NTM: variants seen among roughly 807,000 people sequenced by gnomAD.
NTM encodes IgLON family member 2.
NTM carries 13 observed loss-of-function variants against 42.1 expected under a neutral mutation model. The observed-to-expected ratio is 0.31, with a 90% CI of 0.20 to 0.49. The LOEUF (loss-of-function observed/expected upper bound fraction) is 0.49. Among genes scored for constraint, NTM ranks in the 20% least tolerant of loss-of-function variants. The pLI is 0.99. For missense variants in NTM, 373 were observed against 452.8 expected, an observed-to-expected ratio of 0.82 and a Z score of 1.60; for synonymous variants, 187 against 179.2, an observed-to-expected ratio of 1.04 and a Z score of -0.35.
At position 131,993,379 on chromosome 11, in the gene NTM, C is replaced by A. The variant is rs539487864; in HGVS notation, c.167+81731C>A. ...GACAAGGAATGCATCTAGAACAAGT[C>A]CCATGTTTTTGGCTTGGGTAATGAG... On this transcript the variant is annotated intron_variant, in intron 2 of 8. Transcript: ENST00000683400. 1.4e-3 allele frequency among the ~76,000 whole-genome samples: 217 copies of A among 152,138 alleles called. 1 individual carries two copies. Among genetic ancestry groups the A allele is most frequent in the Non-Finnish European group, 1.3e-3 (88 of 68,010 alleles).
At chr11:131,544,683 C>T (rs996525476) in intron 1 of NTM, among the ~76,000 whole-genome samples, 6 of 152,196 alleles carry the variant, frequency 3.9e-5, no homozygotes, top group Admixed American at 6.5e-5. Context: ...ATCCACTTCC[C>T]GTCATTCAGA....
At chr11:131,778,414 C>A (rs1178945748) in intron 1 of NTM, among the ~76,000 whole-genome samples, 1 of 152,184 alleles carries the variant, frequency 6.6e-6, no homozygotes, top group Non-Finnish European at 1.5e-5. Context: ...AGTGATTTAT[C>A]AGATTTAATT....
At chr11:131,939,919 T>C (rs773485497) in intron 2 of NTM, among the ~76,000 whole-genome samples, 2 of 152,166 alleles carry the variant, frequency 1.3e-5, no homozygotes, top group African/African-American at 2.4e-5. Flanking sequence ...TGTGTGAGGA[T>C]AATAGAAAGT....
chr11:132,174,043 G>A (rs570155809), intron 3 of NTM, among the ~76,000 whole-genome samples: 99 of 152,238 alleles, frequency 6.5e-4, no homozygotes, highest in Non-Finnish European at 2.4e-4. Context: ...GTCCTATCTG[G>A]TCCCTGATAG....
intron 1 of NTM, among the ~76,000 whole-genome samples, chr11:131,570,043 T>C (rs1385371968): frequency 6.6e-6 from 1 of 152,240 alleles, no homozygotes; most frequent in African/African-American, 2.4e-5. Flanking sequence ...TCTTTTTCTT[T>C]TAATTTCTGC....
chr11:131,507,457 T>C (rs1467752070), intron 1 of NTM, among the ~76,000 whole-genome samples: 2 of 152,048 alleles, frequency 1.3e-5, no homozygotes, highest in Non-Finnish European at 2.9e-5. Flanking sequence ...TTGGTTACTG[T>C]AGCCTTGTAG....
At chr11:131,789,621 A>G (rs1358189860) in intron 1 of NTM, among the ~76,000 whole-genome samples, 2 of 87,710 alleles carry the variant, frequency 2.3e-5, no homozygotes, top group Non-Finnish European at 2.3e-5. Flanking sequence ...AAGAAGAAGA[A>G]GAAGAAGAAG....
intron 1 of NTM, among the ~76,000 whole-genome samples, chr11:131,864,782 G>T (rs2046972018): frequency 6.6e-6 from 1 of 152,190 alleles, no homozygotes; most frequent in South Asian, 2.1e-4. Context: ...GAGGGAGCTT[G>T]TTACCTCCTG....
chr11:132,231,703 CA>C (rs1179078763), intron 4 of NTM, among the ~76,000 whole-genome samples: 3 of 152,186 alleles, frequency 2.0e-5, no homozygotes, highest in Non-Finnish European at 4.4e-5. Flanking sequence ...CCACATTACA[CA>C]AAGTGAATTT....
intron 3 of NTM, among the ~76,000 whole-genome samples, chr11:132,190,736 T>TAAAAA (rs35431586): frequency 6.0e-5 from 8 of 132,728 alleles, no homozygotes; most frequent in African/African-American, 1.9e-4. Context: ...GAATCCATCT[T>TAAAAA]AAAAAAAAAA....
chr11:131,769,997 G>A (rs1390453660), intron 1 of NTM, among the ~76,000 whole-genome samples: 1 of 152,184 alleles, frequency 6.6e-6, no homozygotes, highest in Non-Finnish European at 1.5e-5. Flanking sequence ...AGGCTGACCA[G>A]TCAGGCAGAT....
At chr11:132,029,199 T>A (rs927182252) in intron 2 of NTM, among the ~76,000 whole-genome samples, 27 of 152,272 alleles carry the variant, frequency 1.8e-4, no homozygotes, top group East Asian at 3.9e-4. Context: ...CTCTTTTTTT[T>A]ATTTTTATTC....
rs117027578 is a variant in NTM at position 131,798,471 on chromosome 11, G to A, written c.83-113093G>A. The stretch of plus-strand genomic sequence containing the variant: ...AGGTGGCAAGGATGGGGAGTCTAAA[G>A]CCTGACTACAAAGCAGATTCAGTTG... On this transcript the variant is annotated intron_variant, in intron 1 of 8. Transcript: ENST00000683400. Among the ~76,000 whole-genome samples, 60 of 152,292 alleles carry A rather than the reference G, an allele frequency of 3.9e-4. No individual in the cohort carries two copies. In the East Asian group the frequency reaches 0.01, roughly 26 times the overall value.
intron 1 of NTM, among the ~76,000 whole-genome samples, chr11:131,554,977 T>C (rs2055203788): frequency 6.6e-6 from 1 of 152,156 alleles, no homozygotes; most frequent in Non-Finnish European, 1.5e-5. Flanking sequence ...ACCTTAGGTC[T>C]TTTAAAAAAG....
chr11:131,741,162 T>TGAGAGAGAGAGAGAGAGA (rs71067330), intron 1 of NTM, among the ~76,000 whole-genome samples: 3 of 129,826 alleles, frequency 2.3e-5, no homozygotes, highest in South Asian at 2.8e-4. Context: ...AAGACCCCGT[T>TGAGAGAGAGAGAGAGAGA]GAGAGAGAGA....
chr11:131,564,001 G>A (rs1235529417), intron 1 of NTM, among the ~76,000 whole-genome samples: 1 of 152,120 alleles, frequency 6.6e-6, no homozygotes, highest in Non-Finnish European at 1.5e-5. Context: ...CCTGCAACCT[G>A]AGGCCACCAA....
chr11:132,203,905 C>CA (rs1592202804), intron 3 of NTM, among the ~76,000 whole-genome samples: 1 of 108,890 alleles, frequency 9.2e-6, no homozygotes, highest in Non-Finnish European at 1.8e-5. Flanking sequence ...TCTCAAAAAA[C>CA]AAAAAACAGC....
At chr11:132,238,807 A>G (rs943170780) in intron 4 of NTM, among the ~76,000 whole-genome samples, 4 of 152,186 alleles carry the variant, frequency 2.6e-5, no homozygotes, top group African/African-American at 9.7e-5. Context: ...TGCAGATTCT[A>G]ATTCAGCAGG....
intron 1 of NTM, among the ~76,000 whole-genome samples, chr11:131,723,828 ATGTGTGTG>A (rs377370764): frequency 6.6e-6 from 1 of 151,150 alleles, no homozygotes; most frequent in African/African-American, 2.4e-5. Flanking sequence ...GTGTGTGTGC[ATGTGTGTG>A]TGTGTGCATG....
Sources: gnomAD v4.1 joint callset for allele counts (sites outside exome capture counted in the v4.1 genomes callset) on GRCh38, gnomAD v4.1.1 for gene constraint, MANE v1.5 for transcripts, NCBI Gene and HGNC (gene_info 2026-07-23, HGNC 2026-07-21) for gene names.